PSD3: variants seen among roughly 807,000 people sequenced by gnomAD.
PSD3 encodes pleckstrin and Sec7 domain containing 3.
A neutral mutation model predicts 105.5 loss-of-function variants in PSD3; 49 were observed. The observed-to-expected ratio is 0.46, with a 90% confidence interval of 0.37 to 0.59. The LOEUF is 0.59. Among genes scored for constraint, PSD3 ranks in the 20% least tolerant of loss-of-function variants. PSD3 has a pLI of 0.00. For synonymous variants in PSD3, 557 were observed against 457.8 expected, an observed-to-expected ratio of 1.22 and a Z score of -2.77; for missense variants, 1,561 against 1,263.8, an observed-to-expected ratio of 1.24 and a Z score of -3.57.
chr8:18,565,215 T>A (rs971932379), intron 14 of PSD3, among the ~76,000 whole-genome samples: 1 of 152,172 alleles, frequency 6.6e-6, no homozygotes, highest in South Asian at 2.1e-4. Flanking sequence ...TTGTGCACAC[T>A]GAAGTTTGAA....
chr8:18,819,655 T>G (rs2638633), intron 4 of PSD3, among the ~76,000 whole-genome samples: 1 of 148,122 alleles, frequency 6.8e-6, no homozygotes, highest in African/African-American at 2.5e-5. Flanking sequence ...CTTGGCTCAC[T>G]GCAACCTCCG....
At chr8:18,724,035 T>C (rs1197837657) in intron 9 of PSD3, among the ~76,000 whole-genome samples, 1 of 152,154 alleles carries the variant, frequency 6.6e-6, no homozygotes, top group African/African-American at 2.4e-5. Flanking sequence ...TGTCTACAGT[T>C]ATACAGAAAA....
chr8:18,942,346 C>G (rs1292119212), intron 1 of PSD3, among the ~76,000 whole-genome samples: 2 of 152,172 alleles, frequency 1.3e-5, no homozygotes, highest in South Asian at 4.1e-4. Flanking sequence ...CCTGCTCAAT[C>G]CTATCTGCTC....
chr8:19,058,893 G>C (rs1828796938), intron 1 of PSD3, among the ~76,000 whole-genome samples: 1 of 152,168 alleles, frequency 6.6e-6, no homozygotes, highest in African/African-American at 2.4e-5. Context: ...TATTCAGCTG[G>C]TTTCTGTGAC....
Position 18,851,373 on chromosome 8 carries a change from A to T in PSD3, c.1634+16301T>A, listed in dbSNP as rs17127324. 2.4e-4 allele frequency among the ~76,000 whole-genome samples: 36 copies of T among 152,318 alleles called. 1 individual carries two copies. The East Asian group carries it at 6.6e-3, about 28-fold the overall frequency. ...TCATGACAAAAAGCCAAATATAACA[A>T]TAGACCAAAGGGCCAACTGAACCAC... On this transcript the variant is annotated intron_variant, in intron 4 of 15. Transcript: ENST00000327040.
At chr8:18,627,741 T>C (rs1344328491) in intron 11 of PSD3, among the ~76,000 whole-genome samples, 1 of 151,046 alleles carries the variant, frequency 6.6e-6, no homozygotes, top group Non-Finnish European at 1.5e-5. Flanking sequence ...CAACTAAAAG[T>C]AGCACCTGAA....
intron 1 of PSD3, among the ~76,000 whole-genome samples, chr8:19,061,845 A>G (rs1007440653): frequency 1.3e-5 from 2 of 151,508 alleles, no homozygotes; most frequent in Non-Finnish European, 2.9e-5. Context: ...TACACACATG[A>G]TGAACCCAGC....
At chr8:18,907,962 A>G (rs1819956542) in intron 2 of PSD3, among the ~76,000 whole-genome samples, 1 of 152,236 alleles carries the variant, frequency 6.6e-6, no homozygotes, top group Non-Finnish European at 1.5e-5. Context: ...ATATATCACA[A>G]AATTCTAAAT....
intron 2 of PSD3, among the ~76,000 whole-genome samples, chr8:18,929,782 T>A (rs115355151): frequency 6.6e-6 from 1 of 151,950 alleles, no homozygotes; most frequent in Non-Finnish European, 1.5e-5. Flanking sequence ...TGACCCTCGA[T>A]GAAGCAAAAA....
chr8:18,606,802 C>T (rs1442647794), intron 11 of PSD3, among the ~76,000 whole-genome samples: 2 of 152,180 alleles, frequency 1.3e-5, no homozygotes, highest in Non-Finnish European at 2.9e-5. Context: ...TTAACATTAA[C>T]TAAGCACCTA....
rs200291771 is a variant in PSD3, at chr8:18,562,891, T to TAAAGAAAAAGAAAAAGAA, written c.2785-6557_2785-6540dup. Among the ~76,000 whole-genome samples the TAAAGAAAAAGAAAAAGAA allele has an allele frequency of 1.3e-3, 166 of 128,824 alleles. 1 individual carries two copies. The highest frequency in any genetic ancestry group is 4.6e-3 in the African/African-American group (154 of 33,138). The allele number at this position is 128,824 out of a possible 152,430, so 84.5% of individuals were successfully genotyped here. A position where few individuals can be genotyped will look rare whatever the true frequency, so the allele number is the denominator to read the frequency against. ...GCGACAGAGTGAGACTCTGTCTAGA[T>TAAAGAAAAAGAAAAAGAA]AAAGAAAAAGAAAAAGAAAAAGAAA... is the stretch of plus-strand genomic sequence containing the variant. On this transcript the variant is annotated intron_variant, in intron 14 of 15. Coordinates refer to ENST00000327040, the MANE Select transcript of PSD3 (RefSeq NM_015310.4).
At chr8:18,990,600 C>T (rs1336792447) in intron 1 of PSD3, among the ~76,000 whole-genome samples, 1 of 152,206 alleles carries the variant, frequency 6.6e-6, no homozygotes, top group Non-Finnish European at 1.5e-5. Flanking sequence ...TGTGGTTTGG[C>T]TTAAACTGGC....
intron 12 of PSD3, among the ~76,000 whole-genome samples, chr8:18,576,658 T>C (rs1456796246): frequency 6.6e-6 from 1 of 152,152 alleles, no homozygotes; most frequent in African/African-American, 2.4e-5. Flanking sequence ...AAAACCCCTC[T>C]GGCCTTATAA....
chr8:18,957,264 G>C (rs145418067), intron 1 of PSD3, among the ~76,000 whole-genome samples: 1 of 151,910 alleles, frequency 6.6e-6, no homozygotes, highest in African/African-American at 2.4e-5. Flanking sequence ...CCAGCTACTC[G>C]GGAGGCTGAG....
At chr8:18,608,193 C>T in intron 11 of PSD3, among the ~76,000 whole-genome samples, 1 of 152,102 alleles carries the variant, frequency 6.6e-6, no homozygotes, top group East Asian at 1.9e-4. Flanking sequence ...GGATTCTATC[C>T]TGGGTGACAA....
chr8:18,575,341 A>T, intron 12 of PSD3, 56 bp from the exon 13 acceptor site: 3 of 1,443,308 alleles, frequency 2.1e-6, no homozygotes, highest in Non-Finnish European at 2.8e-6. Flanking sequence ...TTTCAACTTA[A>T]TTTTTTAAAA....
At chr8:18,577,004 A>G (rs191342033) in intron 12 of PSD3, among the ~76,000 whole-genome samples, 2 of 151,596 alleles carry the variant, frequency 1.3e-5, no homozygotes, top group African/African-American at 4.9e-5. Flanking sequence ...ATGATTACCT[A>G]GTTCTTTTGT....
intron 9 of PSD3, among the ~76,000 whole-genome samples, chr8:18,686,502 C>T (rs143836493): frequency 1.3e-5 from 2 of 152,278 alleles, no homozygotes; most frequent in African/African-American, 2.4e-5. Flanking sequence ...TTGCAGAACA[C>T]GTATTTCTAC....
At chr8:18,788,329 T>C (rs1809378742) in intron 8 of PSD3, among the ~76,000 whole-genome samples, 1 of 152,188 alleles carries the variant, frequency 6.6e-6, no homozygotes. Context: ...AGATGGAGAA[T>C]TTCATTCATA....
Sources: gnomAD v4.1 joint callset for allele counts (sites outside exome capture counted in the v4.1 genomes callset) on GRCh38, gnomAD v4.1.1 for gene constraint, MANE v1.5 for transcripts, NCBI Gene and HGNC (gene_info 2026-07-23, HGNC 2026-07-21) for gene names.